Variants in GALNTL6 observed in about 807,000 individuals in gnomAD.
GALNTL6 encodes polypeptide N-acetylgalactosaminyltransferase-like 6.
Under a neutral mutation model 73.7 loss-of-function variants are expected in GALNTL6, and 46 were observed. The ratio of observed to expected loss-of-function variants is 0.62; its 90% CI spans 0.49 to 0.80. The LOEUF (loss-of-function observed/expected upper bound fraction) is 0.80. Among genes scored for constraint, GALNTL6 ranks in the 30% least tolerant of loss-of-function variants. The pLI, the probability that GALNTL6 is intolerant of heterozygous loss-of-function variation, is 0.00. For missense variants in GALNTL6, 604 were observed against 755.0 expected (o/e 0.80, Z 2.34); for synonymous variants, 259 against 263.7 (o/e 0.98, Z 0.17).
chr4:172,782,454 C>T (rs1479992857), intron 5 of GALNTL6, among the ~76,000 whole-genome samples: 2 of 152,084 alleles, frequency 1.3e-5, no homozygotes, highest in African/African-American at 4.8e-5. Flanking sequence ...ATTAAGAATT[C>T]AGAAGCCTCC....
intron 5 of GALNTL6, among the ~76,000 whole-genome samples, chr4:172,402,179 T>G (rs1744066534): frequency 6.6e-6 from 1 of 152,104 alleles, no homozygotes; most frequent in Non-Finnish European, 1.5e-5. Flanking sequence ...TTTTTATAAC[T>G]CTCATTTGGG....
At chr4:172,347,894 A>C (rs574732166) in intron 4 of GALNTL6, among the ~76,000 whole-genome samples, 1 of 152,304 alleles carries the variant, frequency 6.6e-6, no homozygotes, top group South Asian at 2.1e-4. Flanking sequence ...ACAATGAAAA[A>C]AATGAACTTG....
chr4:171,935,908 A>G (rs1409914151), intron 2 of GALNTL6, among the ~76,000 whole-genome samples: 1 of 152,160 alleles, frequency 6.6e-6, no homozygotes, highest in Admixed American at 6.6e-5. Context: ...GTCAGGGTTA[A>G]AAATTTGGTA....
At chr4:171,904,614 C>T (rs564205857) in intron 2 of GALNTL6, among the ~76,000 whole-genome samples, 2 of 152,016 alleles carry the variant, frequency 1.3e-5, no homozygotes, top group African/African-American at 4.8e-5. Context: ...GCAAGGCAGG[C>T]CAACATTCAG....
chr4:171,814,929 G>T (rs1734484528), intron 2 of GALNTL6: 1 of 597,838 alleles, frequency 1.7e-6, no homozygotes. Flanking sequence ...AACTAGTAAA[G>T]AAGGATAAGA....
intron 2 of GALNTL6, among the ~76,000 whole-genome samples, chr4:171,980,867 G>T (rs915852731): frequency 1.3e-5 from 2 of 152,172 alleles, no homozygotes; most frequent in Non-Finnish European, 2.9e-5. Flanking sequence ...TGAGGTTATT[G>T]CCAAGCAATA....
chr4:171,850,034 C>G lies in GALNTL6; in HGVS notation c.138+35316C>G, dbSNP rs529890369. Among the ~76,000 whole-genome samples, 5 of 152,292 alleles carry G rather than the reference C, an allele frequency of 3.3e-5. No individual in the cohort carries two copies. In the South Asian group the frequency reaches 1.0e-3, roughly 32 times the overall value. ...AGGCTGGAGTGCAATGGTGCAATCT[C>G]GGCTCACTGCAACCTCTGCTTCCCG... On this transcript the variant is annotated intron_variant, in intron 2 of 12. Coordinates refer to ENST00000506823, the MANE Select transcript of GALNTL6 (RefSeq NM_001034845.3).
chr4:172,807,138 A>C (rs1741010060), intron 5 of GALNTL6, among the ~76,000 whole-genome samples: 1 of 152,186 alleles, frequency 6.6e-6, no homozygotes, highest in Non-Finnish European at 1.5e-5. Flanking sequence ...AGCCAATAGA[A>C]TCTTTCTTGG....
intron 2 of GALNTL6, among the ~76,000 whole-genome samples, chr4:172,054,237 G>A (rs1367633980): frequency 6.6e-6 from 1 of 152,006 alleles, no homozygotes; most frequent in African/African-American, 2.4e-5. Context: ...TTAGATATTA[G>A]AACAATTCTT....
intron 2 of GALNTL6, among the ~76,000 whole-genome samples, chr4:172,195,945 G>C (rs1402058342): frequency 7.0e-6 from 1 of 143,696 alleles, no homozygotes; most frequent in Non-Finnish European, 1.5e-5. Context: ...GATCAGAGCA[G>C]AACTGAAGGA....
At chr4:172,690,386 T>G (rs1216031125) in intron 5 of GALNTL6, among the ~76,000 whole-genome samples, 2 of 152,220 alleles carry the variant, frequency 1.3e-5, no homozygotes, top group African/African-American at 4.8e-5. Flanking sequence ...ACCTCTTATA[T>G]TTATCACACT....
intron 5 of GALNTL6, chr4:172,667,245 T>A (rs1731720614): frequency 6.6e-6 from 1 of 152,264 alleles, no homozygotes; most frequent in Non-Finnish European, 1.5e-5. Context: ...TCCCTTCTAC[T>A]GGCTCCATCA....
At chr4:173,014,158 A>T (rs969552532) in intron 11 of GALNTL6, among the ~76,000 whole-genome samples, 2 of 152,236 alleles carry the variant, frequency 1.3e-5, no homozygotes, top group Non-Finnish European at 1.5e-5. Flanking sequence ...GCTGCAGAAC[A>T]CTGGTGGTGA....
intron 2 of GALNTL6, among the ~76,000 whole-genome samples, chr4:172,147,142 T>G (rs1411587787): frequency 5.3e-5 from 8 of 152,214 alleles, no homozygotes; most frequent in African/African-American, 1.9e-4. Flanking sequence ...TATTTGTTAC[T>G]GTCAACTTTA....
intron 5 of GALNTL6, among the ~76,000 whole-genome samples, chr4:172,517,432 C>T (rs991917077): frequency 2.0e-5 from 3 of 151,976 alleles, no homozygotes; most frequent in Non-Finnish European, 4.4e-5. Context: ...AAACAGAGCC[C>T]ATATCTGCAA....
chr4:171,877,074 T>C (rs1736300562), intron 2 of GALNTL6, among the ~76,000 whole-genome samples: 1 of 152,104 alleles, frequency 6.6e-6, no homozygotes, highest in Non-Finnish European at 1.5e-5. Flanking sequence ...TAAAATGTAT[T>C]TGTAGACCCA....
intron 2 of GALNTL6, among the ~76,000 whole-genome samples, chr4:171,884,920 G>A (rs188255160): frequency 3.9e-5 from 6 of 152,044 alleles, no homozygotes; most frequent in African/African-American, 1.4e-4. Context: ...AGCTGAGTGT[G>A]GTGGTGGGTG....
At chr4:172,887,123 G>A (rs1660766415) in intron 8 of GALNTL6, among the ~76,000 whole-genome samples, 1 of 152,166 alleles carries the variant, frequency 6.6e-6, no homozygotes, top group Admixed American at 6.5e-5. Flanking sequence ...TTAGGATAAT[G>A]GCCTCTAGCT....
At chr4:172,910,193 A>T (rs1747125864) in intron 8 of GALNTL6, among the ~76,000 whole-genome samples, 1 of 152,160 alleles carries the variant, frequency 6.6e-6, no homozygotes, top group East Asian at 1.9e-4. Context: ...TGAATCCAAC[A>T]AATATTTGTC....
Sources: allele counts gnomAD v4.1 joint callset (sites outside exome capture counted in the v4.1 genomes callset), GRCh38; gene constraint gnomAD v4.1.1; transcripts MANE v1.5; gene names NCBI Gene and HGNC (gene_info 2026-07-23, HGNC 2026-07-21).